Variants in IL1RAPL1 observed in about 807,000 individuals in gnomAD.
The protein encoded by IL1RAPL1 is interleukin-1 receptor accessory protein-like 1.
A neutral mutation model predicts 48.4 loss-of-function variants in IL1RAPL1; 3 were observed. That is an observed-to-expected ratio of 0.06 (90% CI 0.03 to 0.16). IL1RAPL1 has a LOEUF of 0.16. Among genes scored for constraint, IL1RAPL1 ranks in the 10% least tolerant of loss-of-function variants. The pLI is 1.00. For missense variants in IL1RAPL1, 349 were observed against 530.6 expected, an observed-to-expected ratio of 0.66 and a Z score of 3.36; for synonymous variants, 185 against 187.7, an observed-to-expected ratio of 0.99 and a Z score of 0.12.
intron 6 of IL1RAPL1, among the ~76,000 whole-genome samples, chrX:29,748,446 GTAA>G (rs1427500325): frequency 1.8e-5 from 2 of 112,624 alleles, no homozygotes; most frequent in Non-Finnish European, 3.8e-5. Flanking sequence ...TCTTTGGGAG[GTAA>G]TAATTATAAC....
intron 6 of IL1RAPL1, among the ~76,000 whole-genome samples, chrX:29,758,712 T>A (rs1004259321): frequency 1.8e-5 from 2 of 108,496 alleles, no homozygotes; most frequent in East Asian, 2.8e-4. Flanking sequence ...AAAAAAATAA[T>A]AATAATAATA....
intron 6 of IL1RAPL1, among the ~76,000 whole-genome samples, chrX:29,830,011 G>A (rs914413604): frequency 8.9e-6 from 1 of 111,925 alleles, no homozygotes; most frequent in East Asian, 2.8e-4. Context: ...GTATAAAAAG[G>A]CTTGCTGCAA....
At chrX:29,199,840 T>C (rs948735409) in intron 2 of IL1RAPL1, among the ~76,000 whole-genome samples, 1 of 111,740 alleles carries the variant, frequency 8.9e-6, no homozygotes, top group African/African-American at 3.3e-5. Flanking sequence ...AGAATAATGG[T>C]ATGAAACGAA....
chrX:29,518,896 C>T (rs1935475248), intron 5 of IL1RAPL1, among the ~76,000 whole-genome samples: 1 of 111,830 alleles, frequency 8.9e-6, no homozygotes, highest in African/African-American at 3.3e-5. Flanking sequence ...AGTTAGGAGT[C>T]TGCAAAATAT....
intron 2 of IL1RAPL1, among the ~76,000 whole-genome samples, chrX:28,911,546 T>C (rs1923359675): frequency 9.0e-6 from 1 of 111,091 alleles, no homozygotes; most frequent in Non-Finnish European, 1.9e-5. Context: ...AGGAAGGCAT[T>C]CTCAGATTCT....
chrX:29,448,860 C>T (rs1021693361), intron 5 of IL1RAPL1, among the ~76,000 whole-genome samples: 2 of 111,387 alleles, frequency 1.8e-5, no homozygotes, highest in African/African-American at 3.3e-5. Context: ...GGGCTGGCTT[C>T]CTGGCTTGTA....
intron 2 of IL1RAPL1, among the ~76,000 whole-genome samples, chrX:29,172,606 C>T (rs1929931044): frequency 9.0e-6 from 1 of 111,521 alleles, no homozygotes; most frequent in African/African-American, 3.3e-5. Flanking sequence ...ACATGCCCTC[C>T]AGGTGATTCT....
At chrX:29,802,943 G>GTACACATA (rs1569173191) in intron 6 of IL1RAPL1, among the ~76,000 whole-genome samples, 4 of 76,125 alleles carry the variant, frequency 5.3e-5, no homozygotes, top group African/African-American at 2.3e-4. Context: ...GTGTACATAT[G>GTACACATA]TATGCATATA....
chrX:28,619,642 TTAAC>T (rs2146887762), intron 1 of IL1RAPL1, among the ~76,000 whole-genome samples: 1 of 109,606 alleles, frequency 9.1e-6, no homozygotes, highest in South Asian at 3.9e-4. Flanking sequence ...AAAAAATTGT[TTAAC>T]TGAGTTGTGC....
At chrX:29,202,880 A>G (rs1930584119) in intron 2 of IL1RAPL1, among the ~76,000 whole-genome samples, 1 of 111,400 alleles carries the variant, frequency 9.0e-6, no homozygotes, top group Admixed American at 9.5e-5. Context: ...TGGGAGTAGG[A>G]TGAAGGTTGA....
intron 2 of IL1RAPL1, among the ~76,000 whole-genome samples, chrX:28,929,214 C>T (rs1923820627): frequency 8.9e-6 from 1 of 112,083 alleles, no homozygotes; most frequent in Non-Finnish European, 1.9e-5. Flanking sequence ...TGTTACTGTA[C>T]TGAATACTTA....
intron 2 of IL1RAPL1, among the ~76,000 whole-genome samples, chrX:29,042,882 T>A (rs961658725): frequency 1.8e-5 from 2 of 112,275 alleles, no homozygotes; most frequent in Non-Finnish European, 3.8e-5. Flanking sequence ...AGAAAATTAA[T>A]AACTACTTGG....
At chrX:29,744,458 A>G (rs963835853) in intron 6 of IL1RAPL1, among the ~76,000 whole-genome samples, 3 of 112,436 alleles carry the variant, frequency 2.7e-5, no homozygotes, top group Non-Finnish European at 3.8e-5. Flanking sequence ...ATTCTGGTCC[A>G]CTTTGAAAGT....
intron 6 of IL1RAPL1, among the ~76,000 whole-genome samples, chrX:29,902,242 C>T: frequency 9.0e-6 from 1 of 110,959 alleles, no homozygotes; most frequent in East Asian, 2.8e-4. Flanking sequence ...TCATCAAGGG[C>T]ATCTGGGTGT....
chrX:29,102,975 A>G (rs1928374587), intron 2 of IL1RAPL1, among the ~76,000 whole-genome samples: 1 of 112,355 alleles, frequency 8.9e-6, no homozygotes, highest in South Asian at 3.6e-4. Context: ...ACATTGATGA[A>G]GACACAAAAA....
intron 5 of IL1RAPL1, among the ~76,000 whole-genome samples, chrX:29,506,902 C>T (rs750446823): frequency 9.0e-6 from 1 of 110,860 alleles, no homozygotes; most frequent in African/African-American, 3.3e-5. Flanking sequence ...CATTGCTCAC[C>T]TCAATCTCAC....
At chrX:28,732,779 G>C (rs2146947581) in intron 1 of IL1RAPL1, among the ~76,000 whole-genome samples, 1 of 111,311 alleles carries the variant, frequency 9.0e-6, no homozygotes, top group East Asian at 2.8e-4. Context: ...TGAGGCAGGA[G>C]AATTGCTTGA....
intron 1 of IL1RAPL1, chrX:28,659,467 C>T (rs779174430): frequency 9.8e-6 from 5 of 511,098 alleles, no homozygotes; most frequent in Non-Finnish European, 1.8e-5. Flanking sequence ...TTGTAGGAGC[C>T]ATGATATAGA....
intron 9 of IL1RAPL1, among the ~76,000 whole-genome samples, chrX:29,946,903 T>G (rs955617129): frequency 8.9e-6 from 1 of 112,329 alleles, no homozygotes; most frequent in Non-Finnish European, 1.9e-5. Context: ...TCATATGTCT[T>G]GATTAACACT....
Sources: gnomAD v4.1 joint callset for allele counts (sites outside exome capture counted in the v4.1 genomes callset) on GRCh38, gnomAD v4.1.1 for gene constraint, MANE v1.5 for transcripts, NCBI Gene and HGNC (gene_info 2026-07-23, HGNC 2026-07-21) for gene names.